ADIPOR2: variants seen among roughly 807,000 people sequenced by gnomAD.
ADIPOR2 encodes the protein adiponectin receptor protein 2.
A neutral mutation model predicts 40.9 loss-of-function variants in ADIPOR2; 18 were observed. That is an observed-to-expected ratio of 0.44 (90% CI 0.30 to 0.65). The LOEUF (loss-of-function observed/expected upper bound fraction) is 0.65. Ranked by LOEUF, ADIPOR2 falls within the 30% of genes least tolerant of loss-of-function variation. The pLI, the probability that ADIPOR2 is intolerant of heterozygous loss-of-function variation, is 0.09. For synonymous variants in ADIPOR2, 165 were observed against 166.4 expected (o/e 0.99, Z 0.06); for missense variants, 283 against 479.2 (o/e 0.59, Z 3.82).
intron 6 of ADIPOR2, 108 bp downstream of exon 6, chr12:1,781,184 T>C (rs952299413): frequency 1.7e-6 from 2 of 1,197,694 alleles, no homozygotes; most frequent in Admixed American, 3.2e-5. Flanking sequence ...GTATTTGTGA[T>C]GCCAAGATGA....
intron 1 of ADIPOR2, among the ~76,000 whole-genome samples, chr12:1,692,500 A>G (rs1412688097): frequency 6.6e-6 from 1 of 152,222 alleles, no homozygotes; most frequent in Non-Finnish European, 1.5e-5. Flanking sequence ...TAAATGTGAA[A>G]GGCATATTTC....
chr12:1,721,079 C>T (rs985921072), intron 1 of ADIPOR2, among the ~76,000 whole-genome samples: 2 of 152,126 alleles, frequency 1.3e-5, no homozygotes, highest in African/African-American at 4.8e-5. Flanking sequence ...ATATATTGAT[C>T]GGTGTCTCAA....
At chr12:1,772,804 A>C (rs773571149) in intron 2 of ADIPOR2, 38 bp from the exon 3 acceptor site, 7 of 1,558,760 alleles carry the variant, frequency 4.5e-6, no homozygotes, top group Admixed American at 3.8e-5. Flanking sequence ...TTTGGCTCCC[A>C]GTCTCTGTCC....
intron 1 of ADIPOR2, among the ~76,000 whole-genome samples, chr12:1,721,719 T>C (rs541804233): frequency 2.0e-5 from 3 of 152,324 alleles, no homozygotes; most frequent in Admixed American, 1.3e-4. Flanking sequence ...TTGCTTTACA[T>C]TGCATTGTCA....
chr12:1,742,535 A>T (rs535295814), intron 1 of ADIPOR2, among the ~76,000 whole-genome samples: 1 of 152,352 alleles, frequency 6.6e-6, no homozygotes, highest in African/African-American at 2.4e-5. Flanking sequence ...GAATACAGTC[A>T]TCCTTTGGTA....
chr12:1,700,240 T>C (rs2094647541), intron 1 of ADIPOR2, among the ~76,000 whole-genome samples: 1 of 152,214 alleles, frequency 6.6e-6, no homozygotes, highest in Admixed American at 6.5e-5. Context: ...CTTTCTTTTG[T>C]ATGTTTGTTG....
At chr12:1,711,617 TC>T (rs1394719552) in intron 1 of ADIPOR2, among the ~76,000 whole-genome samples, 1 of 2,084 alleles carries the variant, frequency 4.8e-4, no homozygotes, top group Non-Finnish European at 1.9e-3. Flanking sequence ...TCTCTTCCTC[TC>T]TCTCTCTCTC....
chr12:1,729,515 A>G (rs558367582), intron 1 of ADIPOR2, among the ~76,000 whole-genome samples: 20 of 149,036 alleles, frequency 1.3e-4, no homozygotes, highest in Non-Finnish European at 2.4e-4. Flanking sequence ...GTCTTACTCT[A>G]TTGCCCAGGC....
intron 4 of ADIPOR2, among the ~76,000 whole-genome samples, chr12:1,779,325 T>G (rs1862666279): frequency 6.6e-6 from 1 of 152,074 alleles, no homozygotes; most frequent in Non-Finnish European, 1.5e-5. Context: ...TACACTGGAG[T>G]ATTATTTAGC....
rs1202625035 is a variant in ADIPOR2, at chr12:1,788,300, C to T, written c.*2228C>T. On this transcript the variant is annotated 3_prime_UTR_variant, in exon 8 of 8. Coordinates refer to ENST00000357103, the MANE Select transcript of ADIPOR2 (RefSeq NM_024551.3). ...CATGTGCCCATTTCTATGTGTGTGTCTACGTGCAGCTCACTACCAACAGCC... is the reference window on the plus strand; with the variant it reads ...CATGTGCCCATTTCTATGTGTGTGTTTACGTGCAGCTCACTACCAACAGCC... 6.6e-6 allele frequency: 1 copy of T among 152,644 alleles called. No homozygotes were observed. Among genetic ancestry groups the T allele is most frequent in the Non-Finnish European group, 1.5e-5 (1 of 68,048 alleles). The allele number at this position is 152,644 out of a possible 1,614,324, so 9.5% of individuals were successfully genotyped here.
rs1862846426 is a variant in ADIPOR2 at position 1,786,771 on chromosome 12, G to A, written c.*699G>A. On this transcript the variant is annotated 3_prime_UTR_variant, in exon 8 of 8. Coordinates refer to ENST00000357103, the MANE Select transcript of ADIPOR2 (RefSeq NM_024551.3). ...AGGCTGACATACCTTGGACCCTAAT[G>A]GGGCAGAGAGTATAGCCCTAGCCCA... 1 of 152,516 alleles carries A rather than the reference G, an allele frequency of 6.6e-6. No individual in the cohort carries two copies. The highest frequency in any genetic ancestry group is 1.5e-5 in the Non-Finnish European group (1 of 68,050). 9.4% of individuals were successfully genotyped at this position (152,516 alleles called of 1,614,324 possible). A position where few individuals can be genotyped will look rare whatever the true frequency, so the allele number is the denominator to read the frequency against.
At chr12:1,740,375 A>C (rs540801418) in intron 1 of ADIPOR2, among the ~76,000 whole-genome samples, 2 of 152,094 alleles carry the variant, frequency 1.3e-5, no homozygotes, top group African/African-American at 4.8e-5. Context: ...GGTTTCTCCT[A>C]TCACCCCTCT....
intron 1 of ADIPOR2, among the ~76,000 whole-genome samples, chr12:1,694,839 G>GATGTT (rs2094634773): frequency 6.6e-6 from 1 of 152,226 alleles, no homozygotes; most frequent in East Asian, 1.9e-4. Context: ...TAGATGTACA[G>GATGTT]AAATTTGAGC....
chr12:1,784,099 T>C (rs1448982466), intron 7 of ADIPOR2, 26 bp downstream of exon 7: 10 of 1,532,648 alleles, frequency 6.5e-6, no homozygotes, highest in Non-Finnish European at 7.9e-6. Flanking sequence ...TGACTGAGTG[T>C]GTAGGTATCT....
At chr12:1,727,858 T>TAA (rs570513526) in intron 1 of ADIPOR2, among the ~76,000 whole-genome samples, 3,154 of 138,798 alleles carry the variant, frequency 0.023, 71 homozygotes, top group East Asian at 0.1. Context: ...GAACACTGTT[T>TAA]AAAAAAAAAA....
intron 6 of ADIPOR2, among the ~76,000 whole-genome samples, chr12:1,782,295 A>G (rs906083337): frequency 6.6e-6 from 1 of 152,230 alleles, no homozygotes; most frequent in Non-Finnish European, 1.5e-5. Context: ...GTGCTTACAT[A>G]TATTGCTGTA....
At chr12:1,740,837 AAAAT>A (rs1281737464) in intron 1 of ADIPOR2, among the ~76,000 whole-genome samples, 3 of 152,210 alleles carry the variant, frequency 2.0e-5, no homozygotes, top group Non-Finnish European at 4.4e-5. Context: ...AATTAATAGG[AAAAT>A]AAATATTTGA....
Position 1,749,832 on chromosome 12 carries a change from G to GTT in ADIPOR2, c.-86-4407_-86-4406dup, listed in dbSNP as rs57852014. 6.9e-3 allele frequency among the ~76,000 whole-genome samples: 819 copies of GTT among 119,208 alleles called. 12 individuals carry two copies. Among genetic ancestry groups the GTT allele is most frequent in the African/African-American group, 0.024 (742 of 30,946 alleles). The allele number at this position is 119,208 out of a possible 152,430, so 78.2% of individuals were successfully genotyped here. A position where few individuals can be genotyped will look rare whatever the true frequency, so the allele number is the denominator to read the frequency against. ...AGTATAACATATTGCTATTTGTTTAGTTTTTTTTTTTTTTTTTTTTGAGAA... is the reference window on the plus strand; with the variant it reads ...AGTATAACATATTGCTATTTGTTTAGTTTTTTTTTTTTTTTTTTTTTTGAGAA... On this transcript the variant is annotated intron_variant, in intron 1 of 7. Coordinates refer to ENST00000357103, the MANE Select transcript of ADIPOR2 (RefSeq NM_024551.3).
chr12:1,722,330 T>C (rs2094699548), intron 1 of ADIPOR2, among the ~76,000 whole-genome samples: 2 of 152,126 alleles, frequency 1.3e-5, no homozygotes, highest in South Asian at 4.2e-4. Flanking sequence ...GAGAGCAAGT[T>C]TGGTGGGACA....
Sources: allele counts gnomAD v4.1 joint callset (sites outside exome capture counted in the v4.1 genomes callset), GRCh38; gene constraint gnomAD v4.1.1; transcripts MANE v1.5; gene names NCBI Gene and HGNC (gene_info 2026-07-23, HGNC 2026-07-21).